Variants in SHROOM4 observed in about 807,000 individuals in gnomAD.
The protein encoded by SHROOM4 is shroom family member 4.
A neutral mutation model predicts 80.3 loss-of-function variants in SHROOM4; 17 were observed. The ratio of observed to expected loss-of-function variants is 0.21; its 90% CI spans 0.14 to 0.32. The LOEUF is 0.32. Ranked by LOEUF, SHROOM4 falls within the 10% of genes least tolerant of loss-of-function variation. The probability of loss-of-function intolerance (pLI) is 1.00; values close to 1 mark genes in which losing one functional copy is unlikely to be tolerated. For synonymous variants in SHROOM4, 400 were observed against 437.5 expected, an observed-to-expected ratio of 0.91 and a Z score of 1.07; for missense variants, 993 against 1,140.3, an observed-to-expected ratio of 0.87 and a Z score of 1.86.
chrX:50,629,696 T>C (rs1272441023), intron 4 of SHROOM4, among the ~76,000 whole-genome samples: 2 of 111,351 alleles, frequency 1.8e-5, no homozygotes, highest in Non-Finnish European at 3.8e-5. Flanking sequence ...ATACAATTGG[T>C]AAGTGAAATA....
intron 1 of SHROOM4, among the ~76,000 whole-genome samples, chrX:50,790,389 T>C (rs781926570): frequency 2.7e-5 from 3 of 111,761 alleles, no homozygotes; most frequent in South Asian, 3.7e-4. Context: ...AAAGAATTAA[T>C]GCCAATCCTT....
chrX:50,733,611 A>G (rs1226761926), intron 1 of SHROOM4, among the ~76,000 whole-genome samples: 1 of 111,923 alleles, frequency 8.9e-6, no homozygotes. Context: ...ATTTCTGTTT[A>G]TTATAAATTA....
intron 1 of SHROOM4, among the ~76,000 whole-genome samples, chrX:50,795,601 A>G: frequency 1.8e-5 from 2 of 111,901 alleles, no homozygotes; most frequent in Non-Finnish European, 3.8e-5. Flanking sequence ...GGTAAGATTT[A>G]GTCAGGTAGC....
chrX:50,766,155 T>G (rs1935270520), intron 1 of SHROOM4, among the ~76,000 whole-genome samples: 1 of 111,746 alleles, frequency 8.9e-6, no homozygotes, highest in African/African-American at 3.3e-5. Context: ...CACCTCCACC[T>G]TGGCGCTTTT....
At chrX:50,690,033 T>G (rs782468632) in intron 2 of SHROOM4, among the ~76,000 whole-genome samples, 1 of 112,034 alleles carries the variant, frequency 8.9e-6, no homozygotes, top group Non-Finnish European at 1.9e-5. Context: ...CTAGAAAATT[T>G]GAAGGAATTC....
intron 2 of SHROOM4, among the ~76,000 whole-genome samples, chrX:50,660,587 CCTCCCTCTCT>C (rs1380987407): frequency 2.7e-5 from 2 of 72,894 alleles, no homozygotes; most frequent in Non-Finnish European, 5.2e-5. Flanking sequence ...TTCCTCCCTC[CCTCCCTCTCT>C]CTCCCTCTCT....
intron 2 of SHROOM4, among the ~76,000 whole-genome samples, chrX:50,648,048 A>G (rs1308180258): frequency 2.7e-5 from 3 of 112,094 alleles, no homozygotes; most frequent in Non-Finnish European, 5.6e-5. Context: ...GGGGACTAAC[A>G]TGATGTAAGT....
chrX:50,633,542 T>C lies in SHROOM4; in HGVS notation c.2531A>G (p.Tyr844Cys). Residue 844 changes from tyrosine (Y) to cysteine (C), a missense_variant, in exon 4 of 9, where the codon TAT becomes TGT. Coordinates refer to ENST00000376020, the MANE Select transcript of SHROOM4 (RefSeq NM_020717.5). ...DQPYHATDQSYHSMSPLQSET... is the reference protein window; with the variant it reads ...DQPYHATDQSCHSMSPLQSET... ...TGACTGAAGGGGTGACATGGAATGA[T>C]ATGATTGGTCTGTGGCATGATATGG... 1 of 1,211,697 alleles carries C rather than the reference T, an allele frequency of 8.3e-7. No individual in the cohort carries two copies. Among genetic ancestry groups the C allele is most frequent in the African/African-American group, 1.7e-5 (1 of 57,752 alleles).
chrX:50,774,403 T>C, intron 1 of SHROOM4, among the ~76,000 whole-genome samples: 1 of 111,608 alleles, frequency 9.0e-6, no homozygotes, highest in East Asian at 2.8e-4. Flanking sequence ...AGAATACATC[T>C]CTTGAAAAGC....
chrX:50,679,642 A>G (rs1932901616), intron 2 of SHROOM4, among the ~76,000 whole-genome samples: 1 of 111,644 alleles, frequency 9.0e-6, no homozygotes, highest in Admixed American at 9.5e-5. Flanking sequence ...TAATGATCAA[A>G]TCAGAGTAAT....
At chrX:50,729,486 G>A (rs191003047) in intron 1 of SHROOM4, among the ~76,000 whole-genome samples, 4 of 111,209 alleles carry the variant, frequency 3.6e-5, no homozygotes, top group Admixed American at 9.6e-5. Flanking sequence ...GAAACAGAGC[G>A]TCAGAGAAAT....
chrX:50,620,100 G>A (rs1249130177), intron 5 of SHROOM4, among the ~76,000 whole-genome samples: 6 of 111,127 alleles, frequency 5.4e-5, no homozygotes, highest in East Asian at 2.8e-4. Context: ...TTAACTTCTC[G>A]GGTCTATATC....
chrX:50,610,352 T>TCACACACACACACA (rs1557249589), intron 5 of SHROOM4, among the ~76,000 whole-genome samples: 6 of 91,704 alleles, frequency 6.5e-5, no homozygotes, highest in South Asian at 1.1e-3. Context: ...TCTCTCTCTC[T>TCACACACACACACA]CACACACACA....
chrX:50,651,404 T>C (rs1345632529), intron 2 of SHROOM4, among the ~76,000 whole-genome samples: 3 of 110,464 alleles, frequency 2.7e-5, no homozygotes, highest in Non-Finnish European at 5.6e-5. Context: ...ACATAAGGCT[T>C]GAACACAAGT....
At chrX:50,643,807 A>G (rs1557257556) in intron 2 of SHROOM4, 1 of 112,828 alleles carries the variant, frequency 8.9e-6, no homozygotes, top group African/African-American at 3.2e-5. Context: ...GCTAGAACTC[A>G]GGAAAGGAGC....
intron 2 of SHROOM4, among the ~76,000 whole-genome samples, chrX:50,646,397 A>G (rs960138088): frequency 2.2e-4 from 24 of 110,169 alleles, no homozygotes; most frequent in African/African-American, 8.0e-4. Context: ...AGAAGAGGGG[A>G]AAAGCTGCCT....
intron 1 of SHROOM4, among the ~76,000 whole-genome samples, chrX:50,757,181 A>G (rs1449213417): frequency 1.8e-5 from 2 of 112,325 alleles, no homozygotes; most frequent in African/African-American, 6.5e-5. Context: ...TGTGAAGTCA[A>G]AGATCAAATT....
At position 50,595,549 on chromosome X, in the gene SHROOM4, G is replaced by C. The variant is rs1443363429; in HGVS notation, c.*1146C>G. ...AATCAGTAAGAAAAACTTAAACCCT[G>C]CTGGGGAATGCTAAACTCAAGTCAC... On this transcript the variant is annotated 3_prime_UTR_variant, in exon 9 of 9. Coordinates refer to ENST00000376020, the MANE Select transcript of SHROOM4 (RefSeq NM_020717.5). 9.9e-6 allele frequency: 2 copies of C among 201,019 alleles called. No individual in the cohort carries two copies. Among genetic ancestry groups the C allele is most frequent in the Non-Finnish European group, 1.8e-5 (2 of 108,781 alleles). The allele number at this position is 201,019 out of a possible 1,213,427, so 16.6% of individuals were successfully genotyped here.
At chrX:50,811,184 G>C (rs781864268) in intron 1 of SHROOM4, among the ~76,000 whole-genome samples, 2 of 110,897 alleles carry the variant, frequency 1.8e-5, no homozygotes, top group Non-Finnish European at 3.8e-5. Context: ...GCGTGTGCCT[G>C]TAGTCCCAGC....
Sources: allele counts gnomAD v4.1 joint callset (sites outside exome capture counted in the v4.1 genomes callset), GRCh38; gene constraint gnomAD v4.1.1; transcripts MANE v1.5; gene names NCBI Gene and HGNC (gene_info 2026-07-23, HGNC 2026-07-21).